Variants in HTR1E observed in about 807,000 individuals in gnomAD.
HTR1E encodes 5-hydroxytryptamine receptor 1E.
Under a neutral mutation model 3.4 loss-of-function variants are expected in HTR1E, and 3 were observed. The observed-to-expected ratio is 0.89, with a 90% CI of 0.41 to 2.31. The LOEUF (loss-of-function observed/expected upper bound fraction) is 2.31. Among genes scored for constraint, HTR1E ranks in the 30% most tolerant of loss-of-function variants. The pLI is 0.05. For synonymous variants in HTR1E, 170 were observed against 182.8 expected (o/e 0.93, Z 0.56); for missense variants, 392 against 467.0 (o/e 0.84, Z 1.48).
intron 1 of HTR1E, among the ~76,000 whole-genome samples, chr6:86,988,848 A>G (rs553633497): frequency 6.6e-6 from 1 of 152,314 alleles, no homozygotes; most frequent in African/African-American, 2.4e-5. Flanking sequence ...AGAAAAGAGA[A>G]AGATGACTAA....
At chr6:86,939,883 T>A (rs1212287254) in intron 1 of HTR1E, among the ~76,000 whole-genome samples, 1 of 152,240 alleles carries the variant, frequency 6.6e-6, no homozygotes, top group Non-Finnish European at 1.5e-5. Flanking sequence ...CTCAGCGTGA[T>A]GTCACCTTTA....
Position 86,968,338 on chromosome 6 carries a change from G to T in HTR1E, c.-186+30515G>T, listed in dbSNP as rs369807099. On this transcript the variant is annotated intron_variant, in intron 1 of 1. Transcript: ENST00000305344. The stretch of plus-strand genomic sequence containing the variant: ...ATATGTAAGATAATTTCCTATAAGT[G>T]GAATTGCTGAGCCAAAGTGTATGTG... 7.9e-5 allele frequency among the ~76,000 whole-genome samples: 12 copies of T among 152,250 alleles called. No homozygotes were observed. The East Asian group carries it at 2.3e-3, about 29-fold the overall frequency.
Position 87,016,075 on chromosome 6 carries a change from C to T in HTR1E, c.741C>T (p.Phe247=), listed in dbSNP as rs1274408462. 6.2e-7 allele frequency: 1 copy of T among 1,614,186 alleles called. No homozygotes were observed. Among genetic ancestry groups the T allele is most frequent in the South Asian group, 1.1e-5 (1 of 91,078 alleles). Residue 247 remains phenylalanine (F), a synonymous_variant, in exon 2 of 2, where the codon TTC becomes TTT. Coordinates refer to ENST00000305344, the MANE Select transcript of HTR1E (RefSeq NM_000865.3). ...KLTQTFCVSD[F]STSDPTTEFE... is the part of the protein sequence containing the mutation. ...CACAGACTTTCTGTGTGTCTGACTT[C>T]TCCACCTCAGACCCTACCACAGAGT...
chr6:86,993,442 T>C (rs1053635936), intron 1 of HTR1E, among the ~76,000 whole-genome samples: 7 of 151,906 alleles, frequency 4.6e-5, no homozygotes, highest in Non-Finnish European at 8.8e-5. Flanking sequence ...GGCTGCAGAA[T>C]GAGAGGAAAA....
intron 1 of HTR1E, among the ~76,000 whole-genome samples, chr6:86,996,668 T>C (rs750911548): frequency 2.0e-5 from 3 of 151,962 alleles, no homozygotes; most frequent in African/African-American, 4.8e-5. Flanking sequence ...AATTGATCAA[T>C]ACCTCAAAAA....
chr6:86,959,377 G>A (rs1462402874), intron 1 of HTR1E, among the ~76,000 whole-genome samples: 1 of 152,046 alleles, frequency 6.6e-6, no homozygotes, highest in Non-Finnish European at 1.5e-5. Flanking sequence ...CTCAGAGTTC[G>A]AGACCAGCCT....
chr6:87,013,521 T>C (rs1768269765), intron 1 of HTR1E, among the ~76,000 whole-genome samples: 1 of 152,198 alleles, frequency 6.6e-6, no homozygotes. Flanking sequence ...AGTGCTGGGA[T>C]TACAGGTGTG....
rs186099786 is a variant in HTR1E at position 86,938,198 on chromosome 6, G to A, written c.-186+375G>A. Among the ~76,000 whole-genome samples, 3 of 152,272 alleles carry A rather than the reference G, an allele frequency of 2.0e-5. No individual in the cohort carries two copies. The East Asian group carries it at 5.8e-4, about 29-fold the overall frequency. The stretch of plus-strand genomic sequence containing the variant: ...GGAAAACTTGAGTAGAAATCACAGG[G>A]AGGTGGTGTGCTCCAGGGACCCCGG... On this transcript the variant is annotated intron_variant, in intron 1 of 1. Coordinates refer to ENST00000305344, the MANE Select transcript of HTR1E (RefSeq NM_000865.3).
intron 1 of HTR1E, among the ~76,000 whole-genome samples, chr6:87,012,246 TGGTTG>T (rs1463437110): frequency 2.6e-5 from 4 of 152,008 alleles, no homozygotes; most frequent in Admixed American, 6.6e-5. Context: ...CTTGGGGGTG[TGGTTG>T]GGGTTAGAGA....
intron 1 of HTR1E, among the ~76,000 whole-genome samples, chr6:86,939,414 C>T (rs1053740991): frequency 6.6e-6 from 1 of 152,188 alleles, no homozygotes; most frequent in Non-Finnish European, 1.5e-5. Flanking sequence ...TCACTCAAAT[C>T]CTGATTCATC....
At chr6:86,941,117 A>G (rs1768538880) in intron 1 of HTR1E, among the ~76,000 whole-genome samples, 1 of 152,218 alleles carries the variant, frequency 6.6e-6, no homozygotes. Context: ...TAGAACCAGT[A>G]TTGTGGCCCC....
rs1029357360 is a variant in HTR1E, at chr6:86,963,622, A to AT, written c.-186+25806dup. Among the ~76,000 whole-genome samples the AT allele has an allele frequency of 2.6e-5, 4 of 152,190 alleles. No individual in the cohort carries two copies. In the East Asian group the frequency reaches 5.8e-4, roughly 22 times the overall value. On this transcript the variant is annotated intron_variant, in intron 1 of 1. Transcript: ENST00000305344. ...GGTAAATGCCCTATACAGATGTACC[A>AT]TTTTTTTATCTTGCATACTGTATTT...
intron 1 of HTR1E, among the ~76,000 whole-genome samples, chr6:86,987,857 G>C (rs1240946745): frequency 6.6e-6 from 1 of 152,074 alleles, no homozygotes; most frequent in Non-Finnish European, 1.5e-5. Flanking sequence ...CCTTTTATAA[G>C]GGTCTTAATC....
At chr6:86,987,325 A>T (rs1361753695) in intron 1 of HTR1E, among the ~76,000 whole-genome samples, 3 of 152,140 alleles carry the variant, frequency 2.0e-5, no homozygotes, top group African/African-American at 7.2e-5. Flanking sequence ...GGGCTCTCCA[A>T]GGCACACAAG....
chr6:87,006,167 T>C (rs1195020513), intron 1 of HTR1E, among the ~76,000 whole-genome samples: 1 of 152,172 alleles, frequency 6.6e-6, no homozygotes, highest in African/African-American at 2.4e-5. Context: ...GGAGAACAGT[T>C]TGGAGGTTCC....
chr6:87,016,230 C>A lies in HTR1E; in HGVS notation c.896C>A (p.Ala299Glu). ...CGCATCCTGGGGCTGATTCTGGGTG[C>A]ATTCATTTTATCCTGGCTGCCATTT... ...AARILGLILG[A>E]FILSWLPFFI... The change falls in exon 2 of 2, where the codon GCA (alanine) becomes GAA (glutamate). Residue 299 changes from alanine (A) to glutamate (E), a missense_variant. Physicochemically the swap from Ala to Glu is moderately radical, Grantham distance 107. This residue lies in a region of HTR1E where 178 missense variants were observed against 164.9 expected (regional missense o/e 1.08). Coordinates refer to ENST00000305344, the MANE Select transcript of HTR1E (RefSeq NM_000865.3). 1 of 1,614,094 alleles carries A rather than the reference C, an allele frequency of 6.2e-7. No homozygotes were observed. The highest frequency in any genetic ancestry group is 8.5e-7 in the Non-Finnish European group (1 of 1,179,978).
chr6:86,951,913 C>G (rs1767250041), intron 1 of HTR1E, among the ~76,000 whole-genome samples: 1 of 152,184 alleles, frequency 6.6e-6, no homozygotes, highest in South Asian at 2.1e-4. Context: ...AAGCTAGATG[C>G]AGCCAGGCCT....
chr6:87,006,879 A>T (rs1357796785), intron 1 of HTR1E, among the ~76,000 whole-genome samples: 2 of 152,168 alleles, frequency 1.3e-5, no homozygotes, highest in Non-Finnish European at 2.9e-5. Flanking sequence ...ACAATAGAAC[A>T]CATGGACACA....
chr6:86,952,277 C>T (rs1261338374), intron 1 of HTR1E, among the ~76,000 whole-genome samples: 37 of 152,146 alleles, frequency 2.4e-4, no homozygotes, highest in Admixed American at 1.9e-3. Flanking sequence ...AACCAACAAG[C>T]ATCTCTCACT....
Sources: gnomAD v4.1 joint callset for allele counts (sites outside exome capture counted in the v4.1 genomes callset) on GRCh38, gnomAD v4.1.1 for gene constraint, gnomAD v4.1.1 regional missense constraint, MANE v1.5 for transcripts, NCBI Gene and HGNC (gene_info 2026-07-23, HGNC 2026-07-21) for gene names.